The following PHACTR3 variants were observed in gnomAD, a reference collection of about 807,000 sequenced individuals.
PHACTR3 encodes phosphatase and actin regulator 3.
Under a neutral mutation model 66.8 loss-of-function variants are expected in PHACTR3, and 16 were observed. The ratio of observed to expected loss-of-function variants is 0.24; its 90% confidence interval spans 0.16 to 0.36. The LOEUF (loss-of-function observed/expected upper bound fraction) is 0.36, where lower values mean the gene tolerates loss of function less well. PHACTR3 is among the 10% of genes least tolerant of loss of function. The pLI, the probability that PHACTR3 is intolerant of heterozygous loss-of-function variation, is 1.00. For missense variants in PHACTR3, 647 were observed against 719.9 expected (o/e 0.90, Z 1.16); for synonymous variants, 323 against 292.1 (o/e 1.11, Z -1.08).
chr20:59,645,843 A>G (rs1301534729), intron 1 of PHACTR3, among the ~76,000 whole-genome samples: 1 of 152,138 alleles, frequency 6.6e-6, no homozygotes, highest in Non-Finnish European at 1.5e-5. Flanking sequence ...ACATCATGAA[A>G]GCTTAATAAA....
chr20:59,596,870 T>C (rs2033339478), intron 1 of PHACTR3, among the ~76,000 whole-genome samples: 1 of 152,208 alleles, frequency 6.6e-6, no homozygotes, highest in Non-Finnish European at 1.5e-5. Flanking sequence ...TTCCTGGAGC[T>C]TCCCTGAGCT....
At chr20:59,737,335 C>T (rs754795048) in intron 1 of PHACTR3, among the ~76,000 whole-genome samples, 2 of 152,108 alleles carry the variant, frequency 1.3e-5, no homozygotes, top group Non-Finnish European at 2.9e-5. Context: ...CTCTCTATGT[C>T]CCCCTGGCAC....
intron 7 of PHACTR3, among the ~76,000 whole-genome samples, chr20:59,791,602 T>A (rs930878682): frequency 2.6e-5 from 4 of 152,020 alleles, no homozygotes; most frequent in Non-Finnish European, 5.9e-5. Context: ...TTCTTTTTTT[T>A]TTTTTAACTG....
At chr20:59,699,068 G>A (rs978170135) in intron 1 of PHACTR3, among the ~76,000 whole-genome samples, 1 of 152,212 alleles carries the variant, frequency 6.6e-6, no homozygotes, top group African/African-American at 2.4e-5. Context: ...CTGGAAAGGA[G>A]TGTTGTTGCT....
At chr20:59,657,838 AG>A (rs935914633) in intron 1 of PHACTR3, among the ~76,000 whole-genome samples, 4 of 152,142 alleles carry the variant, frequency 2.6e-5, no homozygotes, top group African/African-American at 7.2e-5. Flanking sequence ...TGTATAGATT[AG>A]GGTTTTTTCG....
At chr20:59,668,703 A>G (rs2036083312) in intron 1 of PHACTR3, among the ~76,000 whole-genome samples, 1 of 151,986 alleles carries the variant, frequency 6.6e-6, no homozygotes. Flanking sequence ...TTTTTAAAAA[A>G]TTATTACTTA....
chr20:59,605,142 T>TG lies in PHACTR3; in HGVS notation c.118+13dup. The TG allele has an allele frequency of 1.0e-5, 3 of 294,830 alleles. No homozygotes were observed. The highest frequency in any genetic ancestry group is 1.8e-5 in the Non-Finnish European group (3 of 168,654). The allele number at this position is 294,830 out of a possible 1,614,324, so 18.3% of individuals were successfully genotyped here. On this transcript the variant is annotated intron_variant, in intron 1 of 12. Transcript: ENST00000371015. The stretch of plus-strand genomic sequence containing the variant: ...GCCGGGGAGAACCCAGGTAACGGGC[T>TG]GGGCGGGGGCGGCGGGCGGGTCGGG...
chr20:59,693,302 C>T (rs8120262), intron 1 of PHACTR3, among the ~76,000 whole-genome samples: 10,341 of 152,240 alleles, frequency 0.068, 1,112 homozygotes, highest in African/African-American at 0.23. Flanking sequence ...CCCTTCTCTT[C>T]TCTTTGTTCT....
At chr20:59,793,216 G>A (rs1471442756) in intron 7 of PHACTR3, among the ~76,000 whole-genome samples, 1 of 152,150 alleles carries the variant, frequency 6.6e-6, no homozygotes, top group African/African-American at 2.4e-5. Flanking sequence ...AAGTCAGGTA[G>A]TGTTGTGCCT....
At chr20:59,813,291 G>T (rs1272983751) in intron 8 of PHACTR3, among the ~76,000 whole-genome samples, 1 of 152,196 alleles carries the variant, frequency 6.6e-6, no homozygotes, top group East Asian at 1.9e-4. Context: ...AGCGCTGACG[G>T]TTTCTCTTGT....
intron 1 of PHACTR3, among the ~76,000 whole-genome samples, chr20:59,686,167 G>A (rs1188752264): frequency 6.6e-6 from 1 of 152,150 alleles, no homozygotes; most frequent in African/African-American, 2.4e-5. Context: ...AAGGTATCCA[G>A]TTCCTAGGAC....
In PHACTR3 at chr20:59,767,294, C is replaced by T. The variant is rs73598372; in HGVS notation, c.650C>T (p.Pro217Leu). Residue 217 changes from proline to leucine, a missense_variant, in exon 5 of 13, where the codon CCT becomes CTT. Coordinates refer to ENST00000371015, the MANE Select transcript of PHACTR3 (RefSeq NM_080672.5). ...ALAGADSLDSPPRPLERSVGQ... is the reference protein window; with the variant it reads ...ALAGADSLDSLPRPLERSVGQ... ...GCTGGGGCTGACTCCCTGGACAGTC[C>T]TCCCAGACCTCTGGAGAGATCCGTG... The T allele has an allele frequency of 0.014, 22,525 of 1,614,230 alleles. 292 individuals carry two copies. Among genetic ancestry groups the T allele is most frequent in the East Asian group, 0.049 (2,210 of 44,868 alleles).
chr20:59,588,803 A>G (rs1245557690), intron 1 of PHACTR3, among the ~76,000 whole-genome samples: 1 of 152,202 alleles, frequency 6.6e-6, no homozygotes, highest in East Asian at 1.9e-4. Flanking sequence ...TTAACGAATG[A>G]GAGACTCAAA....
chr20:59,663,302 T>C (rs558165059), intron 1 of PHACTR3, among the ~76,000 whole-genome samples: 1 of 152,312 alleles, frequency 6.6e-6, no homozygotes, highest in East Asian at 1.9e-4. Context: ...CTATTCAACC[T>C]GCTACAGAGA....
intron 7 of PHACTR3, among the ~76,000 whole-genome samples, chr20:59,787,186 T>A (rs2040943902): frequency 6.6e-6 from 1 of 152,248 alleles, no homozygotes; most frequent in Admixed American, 6.5e-5. Flanking sequence ...GCACTTGACC[T>A]GCTGTGAAGA....
At chr20:59,684,267 G>C (rs757861513) in intron 1 of PHACTR3, among the ~76,000 whole-genome samples, 1 of 152,082 alleles carries the variant, frequency 6.6e-6, no homozygotes, top group South Asian at 2.1e-4. Flanking sequence ...TATATATTGG[G>C]GTCCCTTTTT....
chr20:59,770,084 G>T (rs367984097), intron 5 of PHACTR3, among the ~76,000 whole-genome samples: 2 of 152,310 alleles, frequency 1.3e-5, no homozygotes, highest in African/African-American at 4.8e-5. Flanking sequence ...AGCTTGGGAA[G>T]GTCGAGCCTC....
intron 1 of PHACTR3, among the ~76,000 whole-genome samples, chr20:59,618,878 A>G (rs2034130688): frequency 6.6e-6 from 1 of 152,070 alleles, no homozygotes; most frequent in South Asian, 2.1e-4. Context: ...CTGTTTAGAG[A>G]GAGTCTGGGG....
At chr20:59,588,622 G>A (rs1555875036) in intron 1 of PHACTR3, among the ~76,000 whole-genome samples, 1 of 152,182 alleles carries the variant, frequency 6.6e-6, no homozygotes, top group Non-Finnish European at 1.5e-5. Context: ...TCAGCCTCCC[G>A]CCATCTTCCC....
Sources: gnomAD v4.1 joint callset for allele counts (sites outside exome capture counted in the v4.1 genomes callset) on GRCh38, gnomAD v4.1.1 for gene constraint, MANE v1.5 for transcripts, NCBI Gene and HGNC (gene_info 2026-07-23, HGNC 2026-07-21) for gene names.